Variants in ITFG1 observed in about 807,000 individuals in gnomAD.
ITFG1 encodes the protein T-cell immunomodulatory protein.
Under a neutral mutation model 81.8 loss-of-function variants are expected in ITFG1, and 34 were observed. The observed-to-expected ratio is 0.42, with a 90% CI of 0.32 to 0.55. ITFG1 has a LOEUF of 0.55. Ranked by LOEUF, ITFG1 falls within the 20% of genes least tolerant of loss-of-function variation. The pLI is 0.17. For synonymous variants in ITFG1, 285 were observed against 270.6 expected (o/e 1.05, Z -0.52); for missense variants, 672 against 755.4 (o/e 0.89, Z 1.29).
At chr16:47,181,149 C>T (rs1965107135) in intron 14 of ITFG1, among the ~76,000 whole-genome samples, 1 of 150,056 alleles carries the variant, frequency 6.7e-6, no homozygotes, top group Admixed American at 6.6e-5. Flanking sequence ...CGCTGCCCCA[C>T]CGCCCCATCT....
chr16:47,449,370 CAT>C (rs1262697626), intron 5 of ITFG1: 1 of 152,208 alleles, frequency 6.6e-6, no homozygotes. Flanking sequence ...CACCTATGTA[CAT>C]ATCTTATCTG....
intron 14 of ITFG1, among the ~76,000 whole-genome samples, chr16:47,168,531 C>CG (rs1478292553): frequency 2.0e-5 from 3 of 149,008 alleles, no homozygotes; most frequent in Non-Finnish European, 3.0e-5. Context: ...GCCACTGCCT[C>CG]TGGCTAATTA....
chr16:47,350,327 AAAG>A (rs1178857917), intron 8 of ITFG1, among the ~76,000 whole-genome samples: 1 of 152,178 alleles, frequency 6.6e-6, no homozygotes, highest in East Asian at 1.9e-4. Flanking sequence ...CAAGACTAAT[AAAG>A]AAGAAAAGAG....
At chr16:47,260,740 C>CTGTGGCATCGGCTCTGTAGTATT (rs1966201106) in intron 10 of ITFG1, 45 bp from the exon 11 acceptor site, 18 of 1,595,220 alleles carry the variant, frequency 1.1e-5, no homozygotes, top group Admixed American at 3.3e-5. Context: ...AACATCAACA[C>CTGTGGCATCGGCTCTGTAGTATT]TGTGGCATCG....
At chr16:47,413,240 T>C (rs1176110386) in intron 6 of ITFG1, among the ~76,000 whole-genome samples, 1 of 152,178 alleles carries the variant, frequency 6.6e-6, no homozygotes, top group Non-Finnish European at 1.5e-5. Flanking sequence ...AACCAAGAAT[T>C]TGATATTCTG....
chr16:47,267,543 C>CT (rs1966291141), intron 10 of ITFG1, among the ~76,000 whole-genome samples: 2 of 152,084 alleles, frequency 1.3e-5, no homozygotes, highest in African/African-American at 4.8e-5. Context: ...AAGACTCAAA[C>CT]AATAATAACC....
intron 6 of ITFG1, among the ~76,000 whole-genome samples, chr16:47,411,972 C>G (rs1263463987): frequency 3.9e-5 from 6 of 152,080 alleles, no homozygotes; most frequent in Non-Finnish European, 8.8e-5. Context: ...ACTGTGAAAC[C>G]CAATGCAGAA....
chr16:47,365,644 T>C (rs982967436), intron 8 of ITFG1, 144 bp downstream of exon 8: 3 of 552,570 alleles, frequency 5.4e-6, no homozygotes, highest in East Asian at 2.8e-5. Context: ...AATACTATTA[T>C]GGAATAGGCA....
At position 47,403,691 on chromosome 16, in the gene ITFG1, G is replaced by C. The variant is rs575916414; in HGVS notation, c.655+25113C>G. On this transcript the variant is annotated intron_variant, in intron 6 of 17. Transcript: ENST00000320640. ...ATGCATGTGCAAGTATTTTATAGGT[G>C]AAGTGTTAAGATATTTAATACTCAC... Among the ~76,000 whole-genome samples the C allele has an allele frequency of 3.4e-4, 51 of 151,654 alleles. 1 individual carries two copies. Among genetic ancestry groups the C allele is most frequent in the African/African-American group, 1.2e-3 (48 of 41,340 alleles).
chr16:47,401,796 C>T (rs1484217765), intron 6 of ITFG1, among the ~76,000 whole-genome samples: 1 of 152,084 alleles, frequency 6.6e-6, no homozygotes, highest in East Asian at 1.9e-4. Context: ...ACTTAAAGCA[C>T]AATTCTCAAG....
At chr16:47,337,575 A>G (rs1967723703) in intron 8 of ITFG1, among the ~76,000 whole-genome samples, 1 of 152,246 alleles carries the variant, frequency 6.6e-6, no homozygotes, top group African/African-American at 2.4e-5. Context: ...GTCTCATAAA[A>G]TAAAAATAAA....
At chr16:47,378,137 C>T (rs1373577103) in intron 6 of ITFG1, among the ~76,000 whole-genome samples, 1 of 152,066 alleles carries the variant, frequency 6.6e-6, no homozygotes, top group African/African-American at 2.4e-5. Flanking sequence ...CTAAGAATCA[C>T]TAAGGGAGGC....
At chr16:47,405,174 G>A (rs966639218) in intron 6 of ITFG1, among the ~76,000 whole-genome samples, 2 of 151,970 alleles carry the variant, frequency 1.3e-5, no homozygotes, top group East Asian at 1.9e-4. Flanking sequence ...CAAAAACCTC[G>A]TATATTTTCT....
At position 47,260,454 on chromosome 16, in the gene ITFG1, T is replaced by C. The variant is rs1040487207; in HGVS notation, c.1221+91A>G. The C allele has an allele frequency of 1.0e-4, 136 of 1,364,050 alleles. 1 individual carries two copies. Among genetic ancestry groups the C allele is most frequent in the Non-Finnish European group, 1.4e-4 (133 of 978,954 alleles). The allele number at this position is 1,364,050 out of a possible 1,614,324, so 84.5% of individuals were successfully genotyped here. A position where few individuals can be genotyped will look rare whatever the true frequency, so the allele number is the denominator to read the frequency against. ...AACTCATTTGCTTTTTGTTGTGTTG[T>C]CCACATTTTCTGGTCAAATGGAATG... On this transcript the variant is annotated intron_variant, in intron 11 of 17. Transcript: ENST00000320640.
intron 13 of ITFG1, among the ~76,000 whole-genome samples, chr16:47,232,399 G>A (rs1446974539): frequency 6.6e-6 from 1 of 152,138 alleles, no homozygotes; most frequent in African/African-American, 2.4e-5. Flanking sequence ...ACTGAGAACT[G>A]GAAACTGGGA....
chr16:47,259,739 C>T lies in ITFG1; in HGVS notation c.1221+806G>A, dbSNP rs777951588. The stretch of plus-strand genomic sequence containing the variant: ...TTTCAGAATTTATTATTTTTCAGAG[C>T]GGTAAACTGGCATTTCACCTTAGAA... On this transcript the variant is annotated intron_variant, in intron 11 of 17. Transcript: ENST00000320640. Among the ~76,000 whole-genome samples, 16 of 152,146 alleles carry T rather than the reference C, an allele frequency of 1.1e-4. No homozygotes were observed. The South Asian group carries it at 2.1e-3, about 20-fold the overall frequency.
intron 10 of ITFG1, among the ~76,000 whole-genome samples, chr16:47,284,095 G>A (rs1486761067): frequency 2.0e-5 from 3 of 152,294 alleles, no homozygotes; most frequent in Non-Finnish European, 2.9e-5. Flanking sequence ...GGCTTGGGAG[G>A]TGATGGCTTA....
chr16:47,390,388 G>A (rs1225028669), intron 6 of ITFG1, among the ~76,000 whole-genome samples: 1 of 152,156 alleles, frequency 6.6e-6, no homozygotes, highest in Non-Finnish European at 1.5e-5. Flanking sequence ...GATGAATGCT[G>A]CAAATAACCT....
At chr16:47,381,942 G>A (rs548618480) in intron 6 of ITFG1, among the ~76,000 whole-genome samples, 22 of 152,260 alleles carry the variant, frequency 1.4e-4, no homozygotes, top group African/African-American at 4.3e-4. Flanking sequence ...AAAAAGGCAA[G>A]GGCATACAAA....
Sources: gnomAD v4.1 joint callset for allele counts (sites outside exome capture counted in the v4.1 genomes callset) on GRCh38, gnomAD v4.1.1 for gene constraint, MANE v1.5 for transcripts, NCBI Gene and HGNC (gene_info 2026-07-23, HGNC 2026-07-21) for gene names.